The following PCDHA6 variants were observed in gnomAD, a reference collection of about 807,000 sequenced individuals.
PCDHA6 encodes protocadherin alpha-6.
A neutral mutation model predicts 60.3 loss-of-function variants in PCDHA6; 55 were observed. That is an observed-to-expected ratio of 0.91 (90% CI 0.73 to 1.14). The LOEUF (loss-of-function observed/expected upper bound fraction) is 1.14, where lower values mean the gene tolerates loss of function less well. Ranked by LOEUF, PCDHA6 falls within the 50% of genes most tolerant of loss-of-function variation. The pLI is 0.00. For synonymous variants in PCDHA6, 652 were observed against 557.9 expected (o/e 1.17, Z -2.38); for missense variants, 1,327 against 1,256.5 (o/e 1.06, Z -0.85).
At chr5:140,882,361 C>T (rs2059095511) in intron 1 of PCDHA6, 1 of 1,614,204 alleles carries the variant, frequency 6.2e-7, no homozygotes, top group Non-Finnish European at 8.5e-7. Context: ...GTGGCCAGCT[C>T]CACTACTCCG....
intron 1 of PCDHA6, chr5:140,848,571 G>A: frequency 6.3e-7 from 1 of 1,595,628 alleles, no homozygotes; most frequent in South Asian, 1.1e-5. Context: ...AATGTGGGTG[G>A]TGGGGAGCGG....
intron 1 of PCDHA6, chr5:140,966,759 C>G: frequency 6.9e-7 from 1 of 1,447,012 alleles, no homozygotes; most frequent in Non-Finnish European, 9.1e-7. Context: ...CCGCCGCGGC[C>G]AGTGGCTATG....
chr5:140,885,792 C>T (rs2060715375), intron 1 of PCDHA6, among the ~76,000 whole-genome samples: 1 of 151,834 alleles, frequency 6.6e-6, no homozygotes, highest in Non-Finnish European at 1.5e-5. Context: ...AGCATATTGT[C>T]ATATGTATTT....
intron 1 of PCDHA6, among the ~76,000 whole-genome samples, chr5:140,948,999 ATT>A (rs782571922): frequency 1.3e-5 from 2 of 151,708 alleles, no homozygotes; most frequent in Non-Finnish European, 3.0e-5. Flanking sequence ...CATTTTACTA[ATT>A]TTTATATGTG....
intron 3 of PCDHA6, among the ~76,000 whole-genome samples, chr5:140,986,421 C>T (rs1554248030): frequency 6.6e-6 from 1 of 152,178 alleles, no homozygotes; most frequent in Non-Finnish European, 1.5e-5. Flanking sequence ...CTCTTTTTAA[C>T]TTCATGAGTA....
intron 1 of PCDHA6, among the ~76,000 whole-genome samples, chr5:140,959,860 A>G (rs1554224378): frequency 6.6e-6 from 1 of 152,230 alleles, no homozygotes; most frequent in East Asian, 1.9e-4. Context: ...GGAATTATGT[A>G]GCAAAATCTG....
intron 1 of PCDHA6, chr5:140,882,629 G>A: frequency 6.2e-7 from 1 of 1,614,254 alleles, no homozygotes; most frequent in Admixed American, 1.7e-5. Context: ...CCATGTGGAG[G>A]TGAAGGTGAG....
chr5:140,948,468 CT>C (rs1173060430), intron 1 of PCDHA6, among the ~76,000 whole-genome samples: 1 of 151,468 alleles, frequency 6.6e-6, no homozygotes, highest in African/African-American at 2.4e-5. Flanking sequence ...GGGAAAGTTT[CT>C]GATAATAAAT....
At chr5:140,927,259 C>G (rs1262444613) in intron 1 of PCDHA6, 5 of 1,614,042 alleles carry the variant, frequency 3.1e-6, no homozygotes, top group Non-Finnish European at 3.4e-6. Flanking sequence ...CAACTCACCT[C>G]TCTTTCCTGC....
chr5:141,008,430 GC>G (rs1252417058), intron 3 of PCDHA6, among the ~76,000 whole-genome samples: 2 of 152,260 alleles, frequency 1.3e-5, no homozygotes, highest in African/African-American at 4.8e-5. Context: ...GGATCACTTT[GC>G]CCAGACAGAC....
At chr5:140,835,793 G>T in intron 1 of PCDHA6, 1 of 1,613,102 alleles carries the variant, frequency 6.2e-7, no homozygotes, top group Non-Finnish European at 8.5e-7. Flanking sequence ...ACAACCCGCC[G>T]GGCTGCCACA....
At chr5:140,921,437 G>A (rs2080219286) in intron 1 of PCDHA6, among the ~76,000 whole-genome samples, 1 of 151,992 alleles carries the variant, frequency 6.6e-6, no homozygotes, top group South Asian at 2.1e-4. Context: ...TTTCTTCAAT[G>A]GTGTCTGAAA....
rs2150172389 is a variant in PCDHA6, at chr5:140,829,679, C to A, written c.1588C>A (p.Leu530Met). 1 of 1,613,198 alleles carries A rather than the reference C, an allele frequency of 6.2e-7. No individual in the cohort carries two copies. The highest frequency in any genetic ancestry group is 1.3e-5 in the African/African-American group (1 of 75,036). ...LQPLDHEELE[L>M]LQFQVSARDA... Reference sequence around the variant, plus strand: ...GCCGCTGGACCACGAGGAGCTAGAGCTGCTGCAGTTTCAGGTGAGCGCGCG... The same window carrying A: ...GCCGCTGGACCACGAGGAGCTAGAGATGCTGCAGTTTCAGGTGAGCGCGCG... Residue 530 changes from leucine (L) to methionine (M), a missense_variant, in exon 1 of 4, where the codon CTG becomes ATG. By Grantham distance (15) the Leu-to-Met change is conservative. Coordinates refer to ENST00000529310, the MANE Select transcript of PCDHA6 (RefSeq NM_018909.4).
Position 140,993,501 on chromosome 5 carries a change from C to T in PCDHA6, c.2542+10938C>T, listed in dbSNP as rs560043353. Among the ~76,000 whole-genome samples, 25 of 149,100 alleles carry T rather than the reference C, an allele frequency of 1.7e-4. No homozygotes were observed. The East Asian group carries it at 3.5e-3, about 21-fold the overall frequency. ...ACACACACACACACACACACACACA[C>T]ACACACACGGGGAGAGAGAGACAGA... On this transcript the variant is annotated intron_variant, in intron 3 of 3. Transcript: ENST00000529310.
intron 1 of PCDHA6, chr5:140,857,005 A>C: frequency 6.3e-7 from 1 of 1,595,528 alleles, no homozygotes; most frequent in East Asian, 2.2e-5. Context: ...AAATTCATGT[A>C]GATGTTACAG....
intron 3 of PCDHA6, among the ~76,000 whole-genome samples, chr5:140,998,172 T>C (rs1438782798): frequency 6.6e-6 from 1 of 152,184 alleles, no homozygotes; most frequent in Admixed American, 6.5e-5. Flanking sequence ...CCAAGTATTA[T>C]TCTAAGCACT....
chr5:140,854,562 C>G (rs1316320721), intron 1 of PCDHA6: 1 of 149,730 alleles, frequency 6.7e-6, no homozygotes, highest in Non-Finnish European at 1.5e-5. Flanking sequence ...AATATTGTTG[C>G]TCTGTCATTC....
At chr5:140,934,879 T>C (rs1202301097) in intron 1 of PCDHA6, among the ~76,000 whole-genome samples, 1 of 152,206 alleles carries the variant, frequency 6.6e-6, no homozygotes, top group African/African-American at 2.4e-5. Flanking sequence ...TGTTTGTGTA[T>C]CTTGTTTTAA....
intron 1 of PCDHA6, chr5:140,876,308 A>G: frequency 6.2e-7 from 1 of 1,614,070 alleles, no homozygotes; most frequent in Non-Finnish European, 8.5e-7. Flanking sequence ...GAAATTTCCT[A>G]TGGGATCAAA....
Sources: allele counts gnomAD v4.1 joint callset (sites outside exome capture counted in the v4.1 genomes callset), GRCh38; gene constraint gnomAD v4.1.1; transcripts MANE v1.5; gene names NCBI Gene and HGNC (gene_info 2026-07-23, HGNC 2026-07-21).